KCNT1: variants seen among roughly 807,000 people sequenced by gnomAD.
KCNT1 encodes the protein potassium sodium-activated channel subfamily T member 1.
A neutral mutation model predicts 147.8 loss-of-function variants in KCNT1; 78 were observed. The ratio of observed to expected loss-of-function variants is 0.53; its 90% CI spans 0.44 to 0.64. The LOEUF (loss-of-function observed/expected upper bound fraction) is 0.64, where lower values mean the gene tolerates loss of function less well. Among genes scored for constraint, KCNT1 ranks in the 30% least tolerant of loss-of-function variants. The pLI, the probability that KCNT1 is intolerant of heterozygous loss-of-function variation, is 0.00. For synonymous variants in KCNT1, 867 were observed against 748.8 expected, an observed-to-expected ratio of 1.16 and a Z score of -2.58; for missense variants, 1,419 against 1,750.3, an observed-to-expected ratio of 0.81 and a Z score of 3.38.
chr9:135,704,888 G>C (rs924667621), intron 1 of KCNT1, among the ~76,000 whole-genome samples: 16 of 152,352 alleles, frequency 1.1e-4, no homozygotes, highest in Admixed American at 9.8e-4. Flanking sequence ...AGGAGGGACG[G>C]CTCAGGCCAC....
chr9:135,731,987 TATATAGAGAGAGAGAGAG>T (rs1381053439), intron 2 of KCNT1, among the ~76,000 whole-genome samples: 13 of 21,848 alleles, frequency 6.0e-4, no homozygotes, highest in South Asian at 2.7e-3. Flanking sequence ...TATATATATA[TATATAGAGAGAGAGAGAG>T]AGAGAGAGAG....
chr9:135,714,705 T>C lies in KCNT1; in HGVS notation c.239T>C (p.Phe80Ser). Residue 80 changes from phenylalanine (F) to serine (S), a missense_variant, in exon 2 of 31, where the codon TTC becomes TCC. By Grantham distance (155) the Phe-to-Ser change is radical. This residue lies in a region of KCNT1 where 181 missense variants were observed against 155.7 expected (regional missense o/e 1.16). Coordinates refer to ENST00000371757, the MANE Select transcript of KCNT1 (RefSeq NM_020822.3). This position sits in a 1 kb window ranked among gnomAD's most constrained non-coding sequence, Gnocchi z 6.2. Reference sequence around the variant, plus strand: ...GACCTGCTGCTGGGCGACCCGTCCTTCCAGAACGACGACAGGTAGGGACCG... The same window carrying C: ...GACCTGCTGCTGGGCGACCCGTCCTCCCAGAACGACGACAGGTAGGGACCG... ...FRDLLLGDPS[F>S]QNDDRVQVEF... The C allele has an allele frequency of 6.9e-7, 1 of 1,443,320 alleles. No homozygotes were observed. Among genetic ancestry groups the C allele is most frequent in the South Asian group, 1.3e-5 (1 of 77,718 alleles). 89.4% of individuals were successfully genotyped at this position (1,443,320 alleles called of 1,614,324 possible). A position where few individuals can be genotyped will look rare whatever the true frequency, so the allele number is the denominator to read the frequency against.
intron 29 of KCNT1, among the ~76,000 whole-genome samples, chr9:135,788,670 G>A (rs1281520830): frequency 1.3e-5 from 2 of 152,194 alleles, no homozygotes; most frequent in South Asian, 2.1e-4. Flanking sequence ...TCCAAGCCAC[G>A]AGGAGTAGGC....
rs749338188 is a variant in KCNT1 at position 135,771,088 on chromosome 9, C to T, written c.2001C>T (p.Ala667=). ...PARLPVHSII[A]SMGTVAMDLQ... ...GCCTGCCCGTGCACAGCATCATCGC[C>T]TCCATGGGTGAGCCGGGACAGGCGC... Residue 667 remains alanine, a synonymous_variant, in exon 18 of 31, where the codon GCC becomes GCT. Coordinates refer to ENST00000371757, the MANE Select transcript of KCNT1 (RefSeq NM_020822.3). The T allele has an allele frequency of 2.5e-6, 4 of 1,610,280 alleles. No individual in the cohort carries two copies. In the African/African-American group the frequency reaches 4.0e-5, roughly 16 times the overall value.
Position 135,784,133 on chromosome 9 carries a change from G to A in KCNT1, c.2943+8G>A. ...GACACACTGCTCTACCAGGTCAGCGGGGAAGCGGCAGCAGGAGGGTGGCGC... is the reference window on the plus strand; with the variant it reads ...GACACACTGCTCTACCAGGTCAGCGAGGAAGCGGCAGCAGGAGGGTGGCGC... On this transcript the variant is annotated splice_region_variant and intron_variant, in intron 25 of 30. Coordinates refer to ENST00000371757, the MANE Select transcript of KCNT1 (RefSeq NM_020822.3). The A allele has an allele frequency of 1.2e-6, 2 of 1,601,330 alleles. No homozygotes were observed. The highest frequency in any genetic ancestry group is 1.7e-6 in the Non-Finnish European group (2 of 1,178,634).
chr9:135,707,122 CAAAAAAA>C (rs961135694), intron 1 of KCNT1, among the ~76,000 whole-genome samples: 8 of 128,838 alleles, frequency 6.2e-5, no homozygotes, highest in Admixed American at 4.7e-4. Flanking sequence ...CCTGTCTCTA[CAAAAAAA>C]AAAAAAATTA....
intron 11 of KCNT1, among the ~76,000 whole-genome samples, 181 bp downstream of exon 11, chr9:135,760,040 C>T (rs1004252072): frequency 2.6e-5 from 4 of 152,124 alleles, no homozygotes; most frequent in East Asian, 1.9e-4. Context: ...ACGGCGGGTC[C>T]GGTGGTGCTC....
intron 1 of KCNT1, among the ~76,000 whole-genome samples, chr9:135,710,487 C>T (rs944518504): frequency 6.6e-6 from 1 of 152,178 alleles, no homozygotes; most frequent in South Asian, 2.1e-4. Context: ...TATTTGCAAC[C>T]GTGACTTGAG....
At position 135,750,181 on chromosome 9, in the gene KCNT1, A is replaced by C. The variant is rs1831069182; in HGVS notation, c.334+4A>C. On this transcript the variant is annotated splice_donor_region_variant and intron_variant, in intron 3 of 30. Transcript: ENST00000371757. ...TTCATCAAAAACCAAAGATCGAGTGAGTGGGGTGCCTGGAGGGCCACTCCC... is the reference window on the plus strand; with the variant it reads ...TTCATCAAAAACCAAAGATCGAGTGCGTGGGGTGCCTGGAGGGCCACTCCC... The C allele has an allele frequency of 6.2e-7, 1 of 1,612,954 alleles. No individual in the cohort carries two copies. The highest frequency in any genetic ancestry group is 2.2e-5 in the East Asian group (1 of 44,826).
chr9:135,769,263 G>C (rs1832574930), intron 15 of KCNT1, among the ~76,000 whole-genome samples: 1 of 147,578 alleles, frequency 6.8e-6, no homozygotes, highest in Non-Finnish European at 1.5e-5. Context: ...CAGGGCGCGT[G>C]TGCATGCTGT....
Position 135,791,833 on chromosome 9 carries a change from T to TCCTCATCAACCCTCCGC in KCNT1, c.3542_3558dup (p.Asp1187SerfsTer84), listed in dbSNP as rs1834557485. 6.2e-7 allele frequency: 1 copy of TCCTCATCAACCCTCCGC among 1,613,550 alleles called. No individual in the cohort carries two copies. Among genetic ancestry groups the TCCTCATCAACCCTCCGC allele is most frequent in the Non-Finnish European group, 8.5e-7 (1 of 1,179,890 alleles). ...GACCACCAGAACACCCTCTCCTACGTCCTCATCAACCCTCCGCCCGACACG... is the reference window on the plus strand; with the variant it reads ...GACCACCAGAACACCCTCTCCTACGTCCTCATCAACCCTCCGCCCTCATCAACCCTCCGCCCGACACG... On this transcript the variant is annotated frameshift_variant, in exon 30 of 31. Transcript: ENST00000371757. LOFTEE classifies it high-confidence loss of function.
chr9:135,780,598 C>T (rs997594634), intron 24 of KCNT1, among the ~76,000 whole-genome samples: 1 of 152,196 alleles, frequency 6.6e-6, no homozygotes, highest in East Asian at 1.9e-4. Flanking sequence ...CTTAGAGATG[C>T]CAGCCTGAGG....
chr9:135,717,616 C>T (rs1207498066), intron 2 of KCNT1, among the ~76,000 whole-genome samples: 2 of 152,160 alleles, frequency 1.3e-5, no homozygotes, highest in East Asian at 1.9e-4. Context: ...CCTGCCAGCT[C>T]GCCAGCCGCT....
chr9:135,710,825 C>A (rs1421759205), intron 1 of KCNT1, among the ~76,000 whole-genome samples: 1 of 152,154 alleles, frequency 6.6e-6, no homozygotes, highest in Non-Finnish European at 1.5e-5. Context: ...GGCGGCGATT[C>A]CCTTTACCCG....
intron 2 of KCNT1, chr9:135,736,852 T>A: frequency 3.2e-6 from 1 of 308,456 alleles, no homozygotes; most frequent in South Asian, 1.5e-4. Context: ...CGGGCTGCGC[T>A]GGCTGGGCTG....
Position 135,774,831 on chromosome 9 carries a change from G to A in KCNT1, c.2244-479G>A, listed in dbSNP as rs528610955. ...GGGGTCCTGGGCTGACCAGGTGAGG[G>A]GTGAGCCCCACCGCCACCCCCTTCC... On this transcript the variant is annotated intron_variant, in intron 19 of 30. Coordinates refer to ENST00000371757, the MANE Select transcript of KCNT1 (RefSeq NM_020822.3). Among the ~76,000 whole-genome samples the A allele has an allele frequency of 6.6e-5, 10 of 152,126 alleles. No individual in the cohort carries two copies. In the South Asian group the frequency reaches 1.9e-3, roughly 28 times the overall value.
In KCNT1 at chr9:135,706,280, C is replaced by T. The variant is rs186343234; in HGVS notation, c.110+3912C>T. On this transcript the variant is annotated intron_variant, in intron 1 of 30. Coordinates refer to ENST00000371757, the MANE Select transcript of KCNT1 (RefSeq NM_020822.3). ...CAGCCAGTTCGTCTTTGCCTTGTCA[C>T]GCACCAGCCTGTGTTGACACGTCAG... Among the ~76,000 whole-genome samples, 934 of 152,332 alleles carry T rather than the reference C, an allele frequency of 6.1e-3. 3 individuals are homozygous for T. The highest frequency in any genetic ancestry group is 0.011 in the Non-Finnish European group (751 of 68,026).
chr9:135,752,028 G>T lies in KCNT1; in HGVS notation c.434+987G>T, dbSNP rs1208235614. 9.4e-6 allele frequency: 2 copies of T among 212,956 alleles called. No homozygotes were observed. The highest frequency in any genetic ancestry group is 6.8e-5 in the South Asian group (1 of 14,724). 13.2% of individuals were successfully genotyped at this position (212,956 alleles called of 1,614,324 possible). On this transcript the variant is annotated intron_variant, in intron 4 of 30. Coordinates refer to ENST00000371757, the MANE Select transcript of KCNT1 (RefSeq NM_020822.3). The surrounding 1 kb of genome is among the most constrained non-coding windows in gnomAD (Gnocchi z 5.1). Reference sequence around the variant, plus strand: ...CCTGTTTCTCCCGAGCTCACATTGGGCCCTGACTTTTTCATACCCGTAGAT... The same window carrying T: ...CCTGTTTCTCCCGAGCTCACATTGGTCCCTGACTTTTTCATACCCGTAGAT...
intron 1 of KCNT1, among the ~76,000 whole-genome samples, chr9:135,707,973 G>A (rs936971935): frequency 2.0e-5 from 3 of 152,222 alleles, no homozygotes; most frequent in South Asian, 2.1e-4. Context: ...AGACGTCACC[G>A]AGGACGCTTG....
Sources: allele counts gnomAD v4.1 joint callset (sites outside exome capture counted in the v4.1 genomes callset), GRCh38; gene constraint gnomAD v4.1.1; regional missense constraint gnomAD v4.1.1; non-coding constraint Gnocchi (gnomAD v3.1); transcripts MANE v1.5; gene names NCBI Gene and HGNC (gene_info 2026-07-23, HGNC 2026-07-21).